NTAN1: variants seen among roughly 807,000 people sequenced by gnomAD.
NTAN1 encodes N-terminal asparagine amidase.
In NTAN1, 32 loss-of-function variants were observed where a neutral mutation model predicts 41.9. The ratio of observed to expected loss-of-function variants is 0.76; its 90% CI spans 0.58 to 1.03. The LOEUF (loss-of-function observed/expected upper bound fraction) is 1.03, where lower values mean the gene tolerates loss of function less well. Ranked by LOEUF, NTAN1 falls within the 50% of genes least tolerant of loss-of-function variation. The probability of loss-of-function intolerance (pLI) is 0.00; values close to 1 mark genes in which losing one functional copy is unlikely to be tolerated. For missense variants in NTAN1, 377 were observed against 377.5 expected (o/e 1.00, Z 0.01); for synonymous variants, 140 against 139.5 (o/e 1.00, Z -0.03).
intron 7 of NTAN1, among the ~76,000 whole-genome samples, chr16:15,040,624 A>G (rs965992837): frequency 2.0e-5 from 3 of 152,096 alleles, no homozygotes; most frequent in African/African-American, 7.2e-5. Flanking sequence ...TCTCTAGCCT[A>G]AGAGTTTTAC....
At chr16:15,055,632 C>T in intron 1 of NTAN1, 1 of 332,856 alleles carries the variant, frequency 3.0e-6, no homozygotes, top group Non-Finnish European at 5.4e-6. Context: ...CAGTGCTGTG[C>T]GACCTTGGGC....
At chr16:15,053,212 G>T (rs1317852806) in intron 1 of NTAN1, among the ~76,000 whole-genome samples, 3 of 152,232 alleles carry the variant, frequency 2.0e-5, no homozygotes, top group Non-Finnish European at 4.4e-5. Flanking sequence ...AGGCTGCCAG[G>T]GTTCCAATCC....
At chr16:15,048,279 G>C (rs1276675065) in intron 1 of NTAN1, among the ~76,000 whole-genome samples, 180 bp from the exon 2 acceptor site, 1 of 152,242 alleles carries the variant, frequency 6.6e-6, no homozygotes, top group Non-Finnish European at 1.5e-5. Flanking sequence ...GAACAATGCA[G>C]AGAAAACGAT....
Position 15,048,033 on chromosome 16 carries a change from G to C in NTAN1, c.148C>G (p.Gln50Glu), listed in dbSNP as rs1157774285. The C allele has an allele frequency of 6.2e-7, 1 of 1,613,452 alleles. No homozygotes were observed. Among genetic ancestry groups the C allele is most frequent in the Non-Finnish European group, 8.5e-7 (1 of 1,179,480 alleles). ...QVGPQGLLYV[Q>E]QRELAVTSPK... ...GAGGTCACTGCAAGCTCTCTTTGCT[G>C]AACATACAGAAGGCCCTGGGGTCCC... The change falls in exon 2 of 10, where the codon CAG (glutamine) becomes GAG (glutamate). Residue 50 changes from glutamine to glutamate, a missense_variant. Coordinates refer to ENST00000287706, the MANE Select transcript of NTAN1 (RefSeq NM_173474.4).
At chr16:15,043,326 G>A (rs533289979) in intron 5 of NTAN1, among the ~76,000 whole-genome samples, 22 of 152,178 alleles carry the variant, frequency 1.4e-4, no homozygotes, top group Non-Finnish European at 1.9e-4. Flanking sequence ...ATGAGCCACC[G>A]TGCCCGGCCG....
At chr16:15,055,442 C>G (rs1211851575) in intron 1 of NTAN1, among the ~76,000 whole-genome samples, 2 of 152,182 alleles carry the variant, frequency 1.3e-5, no homozygotes, top group Admixed American at 1.3e-4. Flanking sequence ...AGGCCAAACG[C>G]TCTCCGAAGC....
At chr16:15,040,149 C>A in intron 7 of NTAN1, 83 bp from the exon 8 acceptor site, 2 of 729,404 alleles carry the variant, frequency 2.7e-6, no homozygotes, top group South Asian at 1.7e-5. Context: ...TACCACCACT[C>A]CTAAGAGAAA....
chr16:15,051,146 G>A (rs1336484458), intron 1 of NTAN1, among the ~76,000 whole-genome samples: 1 of 152,224 alleles, frequency 6.6e-6, no homozygotes, highest in Admixed American at 6.5e-5. Flanking sequence ...AGAAGGGAGG[G>A]CGCAAAGGCG....
chr16:15,043,998 A>T (rs1309312481), intron 5 of NTAN1, among the ~76,000 whole-genome samples: 1 of 152,172 alleles, frequency 6.6e-6, no homozygotes, highest in Non-Finnish European at 1.5e-5. Flanking sequence ...AAATGGTATC[A>T]TCAGTGTTTT....
At chr16:15,048,783 C>G (rs2044182468) in intron 1 of NTAN1, among the ~76,000 whole-genome samples, 1 of 152,050 alleles carries the variant, frequency 6.6e-6, no homozygotes, top group African/African-American at 2.4e-5. Flanking sequence ...ACCACCACAC[C>G]TGGCTGAGTT....
At chr16:15,045,107 G>T (rs556623274) in intron 4 of NTAN1, 1 of 137,268 alleles carries the variant, frequency 7.3e-6, no homozygotes, top group African/African-American at 2.7e-5. Context: ...TTGGGCTACA[G>T]AGTAAGACTC....
At chr16:15,040,909 G>C (rs531881092) in intron 7 of NTAN1, among the ~76,000 whole-genome samples, 159 bp downstream of exon 7, 2 of 152,298 alleles carry the variant, frequency 1.3e-5, no homozygotes, top group African/African-American at 4.8e-5. Context: ...GAGAAGTTAA[G>C]CTACTTGCCC....
At chr16:15,041,219 A>C in intron 6 of NTAN1, 98 bp from the exon 7 acceptor site, 1 of 787,354 alleles carries the variant, frequency 1.3e-6, no homozygotes, top group Non-Finnish European at 2.2e-6. Context: ...TCCTCGATGC[A>C]GAAAGGGAGG....
chr16:15,054,949 G>A (rs981759828), intron 1 of NTAN1, among the ~76,000 whole-genome samples: 2 of 152,162 alleles, frequency 1.3e-5, no homozygotes, highest in Admixed American at 6.5e-5. Flanking sequence ...CCATCTCAGA[G>A]TGAAAGGGGA....
intron 5 of NTAN1, among the ~76,000 whole-genome samples, chr16:15,043,049 C>T (rs1027032091): frequency 6.6e-6 from 1 of 151,960 alleles, no homozygotes; most frequent in Admixed American, 6.6e-5. Flanking sequence ...TACAGGCATG[C>T]ACCACCATGC....
At chr16:15,039,026 C>T (rs915154333) in intron 8 of NTAN1, among the ~76,000 whole-genome samples, 4 of 152,190 alleles carry the variant, frequency 2.6e-5, no homozygotes, top group Non-Finnish European at 5.9e-5. Flanking sequence ...AACCCAGGCG[C>T]TTCTGACTAA....
chr16:15,049,292 G>C (rs1386519806), intron 1 of NTAN1, among the ~76,000 whole-genome samples: 1 of 152,204 alleles, frequency 6.6e-6, no homozygotes, highest in Non-Finnish European at 1.5e-5. Context: ...GCCTCCTACA[G>C]TGCTGGGATT....
chr16:15,055,793 C>A, intron 1 of NTAN1, 98 bp downstream of exon 1: 1 of 629,524 alleles, frequency 1.6e-6, no homozygotes, highest in Non-Finnish European at 2.3e-6. Flanking sequence ...GTGCCAACAG[C>A]GCCAAGTTTC....
chr16:15,041,187 A>T (rs1041769982), intron 6 of NTAN1, 66 bp from the exon 7 acceptor site: 21 of 1,073,338 alleles, frequency 2.0e-5, no homozygotes, highest in Non-Finnish European at 2.7e-5. Context: ...TTTACTTTGT[A>T]TAATAAAGGC....
Sources: allele counts gnomAD v4.1 joint callset (sites outside exome capture counted in the v4.1 genomes callset), GRCh38; gene constraint gnomAD v4.1.1; transcripts MANE v1.5; gene names NCBI Gene and HGNC (gene_info 2026-07-23, HGNC 2026-07-21).